Variants in PDE5A observed in about 807,000 individuals in gnomAD.
The protein encoded by PDE5A is cGMP-specific 3',5'-cyclic phosphodiesterase.
In PDE5A, 67 loss-of-function variants were observed where a neutral mutation model predicts 110.2. The observed-to-expected ratio is 0.61, with a 90% confidence interval of 0.50 to 0.75. The LOEUF is 0.75. Ranked by LOEUF, PDE5A falls within the 30% of genes least tolerant of loss-of-function variation. The pLI, the probability that PDE5A is intolerant of heterozygous loss-of-function variation, is 0.00. For missense variants in PDE5A, 862 were observed against 1,045.1 expected, an observed-to-expected ratio of 0.82 and a Z score of 2.42; for synonymous variants, 328 against 351.2, an observed-to-expected ratio of 0.93 and a Z score of 0.74.
At chr4:119,581,098 T>C (rs1428285759) in intron 3 of PDE5A, among the ~76,000 whole-genome samples, 1 of 152,244 alleles carries the variant, frequency 6.6e-6, no homozygotes. Context: ...TCCATGTCTC[T>C]ATAGCCTTGT....
intron 3 of PDE5A, among the ~76,000 whole-genome samples, chr4:119,590,026 C>T (rs972810649): frequency 1.3e-5 from 2 of 152,154 alleles, no homozygotes; most frequent in Non-Finnish European, 2.9e-5. Context: ...CAGCCATCAT[C>T]CATAGCAGAC....
intron 9 of PDE5A, chr4:119,543,875 C>T (rs975223367): frequency 7.2e-5 from 11 of 152,222 alleles, no homozygotes; most frequent in Admixed American, 6.5e-4. Flanking sequence ...ATTCCCTTAA[C>T]ATGACCAGTT....
At chr4:119,599,307 C>A (rs1729260985) in intron 2 of PDE5A, among the ~76,000 whole-genome samples, 1 of 151,706 alleles carries the variant, frequency 6.6e-6, no homozygotes, top group Non-Finnish European at 1.5e-5. Flanking sequence ...TGTAAAGAAA[C>A]AGGAAAATGA....
At chr4:119,625,554 A>G (rs1380412072) in intron 1 of PDE5A, among the ~76,000 whole-genome samples, 1 of 152,212 alleles carries the variant, frequency 6.6e-6, no homozygotes, top group Non-Finnish European at 1.5e-5. Context: ...AAGCCTGATT[A>G]CTGGTGCAGA....
At chr4:119,510,354 T>G (rs760825061) in intron 15 of PDE5A, among the ~76,000 whole-genome samples, 2 of 152,086 alleles carry the variant, frequency 1.3e-5, no homozygotes, top group Non-Finnish European at 2.9e-5. Flanking sequence ...TGCTTTAAGA[T>G]TATATGTCAT....
intron 3 of PDE5A, among the ~76,000 whole-genome samples, chr4:119,581,412 A>G (rs1483258921): frequency 1.3e-5 from 2 of 152,172 alleles, no homozygotes; most frequent in East Asian, 3.9e-4. Context: ...TTAACATAAG[A>G]TATTCAAGAA....
At chr4:119,576,500 G>T (rs1266171359) in intron 3 of PDE5A, among the ~76,000 whole-genome samples, 1 of 152,174 alleles carries the variant, frequency 6.6e-6, no homozygotes, top group Admixed American at 6.5e-5. Context: ...TCAGACCACA[G>T]TGCAATCAAA....
intron 11 of PDE5A, among the ~76,000 whole-genome samples, chr4:119,531,047 C>T (rs971755370): frequency 3.0e-4 from 45 of 152,080 alleles, no homozygotes; most frequent in Admixed American, 7.2e-4. Context: ...ACTGAAAACC[C>T]AGGATGAGAA....
chr4:119,504,735 A>C (rs1725498799), intron 17 of PDE5A, 136 bp from the exon 18 acceptor site: 1 of 546,034 alleles, frequency 1.8e-6, no homozygotes, highest in East Asian at 3.0e-5. Flanking sequence ...CCAAAGAAAA[A>C]GAAACAATTT....
At chr4:119,582,282 A>G (rs13140391) in intron 3 of PDE5A, among the ~76,000 whole-genome samples, 39,813 of 151,946 alleles carry the variant, frequency 0.26, 5,289 homozygotes, top group East Asian at 0.38. Context: ...TCAAGAAACC[A>G]CTTTCTTTGC....
rs755701059 is a variant in PDE5A, at chr4:119,627,381, C to T, written c.152+1139G>A. The T allele has an allele frequency of 8.7e-4, 762 of 874,150 alleles. No homozygotes were observed. The highest frequency in any genetic ancestry group is 9.9e-4 in the Non-Finnish European group (720 of 726,872). 54.1% of individuals were successfully genotyped at this position (874,150 alleles called of 1,614,324 possible). A position where few individuals can be genotyped will look rare whatever the true frequency, so the allele number is the denominator to read the frequency against. On this transcript the variant is annotated intron_variant, in intron 1 of 20. Transcript: ENST00000354960. The surrounding 1 kb of genome is among the most constrained non-coding windows in gnomAD (Gnocchi z 4.6). ...CCTGGCGGGGAGCGACCGGCAGAGC[C>T]GCGGCCGCGCGCCGGCGAGTGGGAC...
In PDE5A at chr4:119,601,210, G is replaced by A. The variant is rs116367249; in HGVS notation, c.742-4598C>T. 4.0e-3 allele frequency among the ~76,000 whole-genome samples: 605 copies of A among 152,270 alleles called. 4 individuals are homozygous for A. The highest frequency in any genetic ancestry group is 6.7e-3 in the Non-Finnish European group (454 of 68,006). ...GGTGGGAACCAGAAAACCCAACCTT[G>A]TGATTAGAGGTTTAGAACTTCCAGT... is the stretch of plus-strand genomic sequence containing the variant. On this transcript the variant is annotated intron_variant, in intron 2 of 20. Transcript: ENST00000354960.
At chr4:119,574,907 T>C (rs1329327204) in intron 3 of PDE5A, among the ~76,000 whole-genome samples, 1 of 152,182 alleles carries the variant, frequency 6.6e-6, no homozygotes, top group Non-Finnish European at 1.5e-5. Flanking sequence ...TACAGATATA[T>C]GTACATTTTT....
chr4:119,567,287 G>A, intron 3 of PDE5A, 143 bp from the exon 4 acceptor site: 1 of 593,512 alleles, frequency 1.7e-6, no homozygotes, highest in Non-Finnish European at 3.0e-6. Flanking sequence ...CCCCTCATCA[G>A]CATTTGAGCA....
Position 119,553,668 on chromosome 4 carries a change from A to T in PDE5A, c.1278T>A (p.Asp426Glu). ...AGGGAAATCTTTTATCCTTACTGAC[A>T]TCTGGGATATTAAGTGGTTCCATAG... is the stretch of plus-strand genomic sequence containing the variant. ...KNTMEPLNIPDVSKDKRFPWT... is the reference protein window; with the variant it reads ...KNTMEPLNIPEVSKDKRFPWT... Residue 426 changes from aspartate (D) to glutamate (E), a missense_variant, in exon 8 of 21, where the codon GAT becomes GAA. Transcript: ENST00000354960. The T allele has an allele frequency of 6.3e-7, 1 of 1,587,362 alleles. No individual in the cohort carries two copies.
rs1399405854 is a variant in PDE5A at position 119,625,989 on chromosome 4, C to T, written c.152+2531G>A. Among the ~76,000 whole-genome samples, 3 of 152,148 alleles carry T rather than the reference C, an allele frequency of 2.0e-5. No individual in the cohort carries two copies. In the East Asian group the frequency reaches 5.8e-4, roughly 29 times the overall value. ...CAACTCTCAGCACTTTATTATAACT[C>T]TTAAAATTGAGGACCTGCACTATTA... On this transcript the variant is annotated intron_variant, in intron 1 of 20. Coordinates refer to ENST00000354960, the MANE Select transcript of PDE5A (RefSeq NM_001083.4).
intron 10 of PDE5A, chr4:119,541,879 A>T (rs1431948341): frequency 6.6e-6 from 1 of 152,124 alleles, no homozygotes; most frequent in Non-Finnish European, 1.5e-5. Context: ...AGTCATACAG[A>T]TTCCCAGCTT....
intron 9 of PDE5A, among the ~76,000 whole-genome samples, chr4:119,545,598 T>C (rs1416465624): frequency 6.6e-6 from 1 of 152,184 alleles, no homozygotes; most frequent in East Asian, 1.9e-4. Context: ...ACTCAGAATG[T>C]GGTCATCACA....
intron 20 of PDE5A, among the ~76,000 whole-genome samples, chr4:119,500,511 T>C (rs758681908): frequency 2.4e-4 from 37 of 152,170 alleles, no homozygotes; most frequent in African/African-American, 4.3e-4. Context: ...AGGTTTTTTT[T>C]CTGCTCTTGA....
Sources: allele counts gnomAD v4.1 joint callset (sites outside exome capture counted in the v4.1 genomes callset), GRCh38; gene constraint gnomAD v4.1.1; non-coding constraint Gnocchi (gnomAD v3.1); transcripts MANE v1.5; gene names NCBI Gene and HGNC (gene_info 2026-07-23, HGNC 2026-07-21).